MTA3: variants seen among roughly 807,000 people sequenced by gnomAD.
The protein encoded by MTA3 is metastasis-associated protein MTA3.
Under a neutral mutation model 83.5 loss-of-function variants are expected in MTA3, and 34 were observed. The ratio of observed to expected loss-of-function variants is 0.41; its 90% CI spans 0.31 to 0.54. MTA3 has a LOEUF of 0.54. MTA3 is among the 20% of genes least tolerant of loss of function. The pLI, the probability that MTA3 is intolerant of heterozygous loss-of-function variation, is 0.33. For synonymous variants in MTA3, 303 were observed against 252.7 expected, an observed-to-expected ratio of 1.20 and a Z score of -1.89; for missense variants, 761 against 726.4, an observed-to-expected ratio of 1.05 and a Z score of -0.55.
intron 3 of MTA3, among the ~76,000 whole-genome samples, chr2:42,605,718 C>A (rs1389635087): frequency 7.7e-6 from 1 of 129,108 alleles, no homozygotes; most frequent in Non-Finnish European, 1.7e-5. Context: ...GGGGGGCCGA[C>A]CCCCCCACCT....
intron 2 of MTA3, among the ~76,000 whole-genome samples, chr2:42,546,714 A>G (rs1399255305): frequency 6.6e-6 from 1 of 152,142 alleles, no homozygotes; most frequent in Non-Finnish European, 1.5e-5. Context: ...ATTTAGAGGC[A>G]TTTCCTGGTT....
intron 3 of MTA3, among the ~76,000 whole-genome samples, chr2:42,579,751 A>G (rs182124134): frequency 2.2e-4 from 33 of 151,910 alleles, no homozygotes; most frequent in Admixed American, 1.9e-3. Context: ...GAGTCTTGCT[A>G]TGTTGCCCAG....
chr2:42,665,511 A>G (rs1467988562), intron 8 of MTA3, among the ~76,000 whole-genome samples: 1 of 152,234 alleles, frequency 6.6e-6, no homozygotes, highest in South Asian at 2.1e-4. Flanking sequence ...AGTAAGTGGC[A>G]GTGAGTTAGT....
At chr2:42,543,658 T>G (rs1676624699) in intron 2 of MTA3, among the ~76,000 whole-genome samples, 1 of 149,950 alleles carries the variant, frequency 6.7e-6, no homozygotes, top group Non-Finnish European at 1.5e-5. Context: ...TTTTTTTTTT[T>G]TTTTTTTTGT....
At chr2:42,653,308 A>G (rs750337307) in intron 6 of MTA3, among the ~76,000 whole-genome samples, 1 of 152,074 alleles carries the variant, frequency 6.6e-6, no homozygotes, top group Non-Finnish European at 1.5e-5. Flanking sequence ...GGAAGGGGAG[A>G]TTATTATAAA....
chr2:42,507,166 G>T (rs1439241230), intron 2 of MTA3, among the ~76,000 whole-genome samples: 1 of 152,134 alleles, frequency 6.6e-6, no homozygotes, highest in Non-Finnish European at 1.5e-5. Context: ...TTCCAAAAGT[G>T]CTGGGATTGC....
intron 8 of MTA3, among the ~76,000 whole-genome samples, chr2:42,675,721 G>T (rs1460427815): frequency 6.6e-6 from 1 of 152,030 alleles, no homozygotes; most frequent in Non-Finnish European, 1.5e-5. Context: ...CAAGTCGTTG[G>T]TCCTGTGTTA....
chr2:42,531,506 G>A (rs1400188290), intron 2 of MTA3, among the ~76,000 whole-genome samples: 1 of 127,958 alleles, frequency 7.8e-6, no homozygotes, highest in African/African-American at 3.0e-5. Context: ...AGGCTAGAGT[G>A]CAGTGGCCCA....
At chr2:42,681,820 T>C (rs1573601841) in intron 8 of MTA3, among the ~76,000 whole-genome samples, 2 of 151,424 alleles carry the variant, frequency 1.3e-5, no homozygotes, top group African/African-American at 4.8e-5. Context: ...CTGGCTAGAC[T>C]TTCAGGGTTA....
intron 4 of MTA3, among the ~76,000 whole-genome samples, chr2:42,634,585 T>C (rs1477899470): frequency 2.0e-5 from 3 of 152,174 alleles, no homozygotes; most frequent in African/African-American, 7.2e-5. Flanking sequence ...CACGTGAGGA[T>C]TATGGGGATC....
At chr2:42,538,591 C>G (rs748080708) in intron 2 of MTA3, among the ~76,000 whole-genome samples, 68 of 151,524 alleles carry the variant, frequency 4.5e-4, no homozygotes, top group Non-Finnish European at 8.8e-4. Flanking sequence ...ACCTGTAACT[C>G]CTGCTACTCA....
intron 16 of MTA3, 134 bp downstream of exon 16, chr2:42,723,169 A>G (rs564654966): frequency 1.8e-6 from 2 of 1,113,520 alleles, no homozygotes; most frequent in South Asian, 1.6e-5. Flanking sequence ...TTGAGGAATA[A>G]GGGGGAATAC....
At chr2:42,689,008 CTA>C (rs1046814211) in intron 9 of MTA3, among the ~76,000 whole-genome samples, 3 of 152,008 alleles carry the variant, frequency 2.0e-5, no homozygotes, top group Non-Finnish European at 4.4e-5. Flanking sequence ...AAGTTCCTCT[CTA>C]TTCTTATTTT....
At chr2:42,658,554 C>T (rs1254804762) in intron 7 of MTA3, among the ~76,000 whole-genome samples, 1 of 152,070 alleles carries the variant, frequency 6.6e-6, no homozygotes, top group East Asian at 1.9e-4. Context: ...AGAAGCTGGA[C>T]GTAATATCCA....
At chr2:42,623,931 T>A (rs1685829105) in intron 4 of MTA3, among the ~76,000 whole-genome samples, 1 of 152,036 alleles carries the variant, frequency 6.6e-6, no homozygotes, top group Non-Finnish European at 1.5e-5. Context: ...ACCTTAGGTG[T>A]GATCCACCGA....
At chr2:42,640,946 C>A (rs956563392) in intron 5 of MTA3, among the ~76,000 whole-genome samples, 1 of 152,080 alleles carries the variant, frequency 6.6e-6, no homozygotes, top group African/African-American at 2.4e-5. Context: ...TTGCTCTGTC[C>A]CCCATTCTGG....
At chr2:42,525,767 C>T (rs1361780434) in intron 2 of MTA3, among the ~76,000 whole-genome samples, 1 of 151,876 alleles carries the variant, frequency 6.6e-6, no homozygotes, top group Non-Finnish European at 1.5e-5. Flanking sequence ...AAATGATCCT[C>T]CCACCTCAGC....
chr2:42,735,795 T>G (rs1668565449), intron 16 of MTA3, among the ~76,000 whole-genome samples: 1 of 152,178 alleles, frequency 6.6e-6, no homozygotes, highest in Non-Finnish European at 1.5e-5. Flanking sequence ...GCTCCAGAAT[T>G]TCTGCTTGGG....
chr2:42,680,520 G>C (rs766860339), intron 8 of MTA3, among the ~76,000 whole-genome samples: 12 of 152,190 alleles, frequency 7.9e-5, no homozygotes, highest in Non-Finnish European at 1.6e-4. Flanking sequence ...GTCTGGGTGG[G>C]GGTGAGAGGT....
Sources: allele counts gnomAD v4.1 joint callset (sites outside exome capture counted in the v4.1 genomes callset), GRCh38; gene constraint gnomAD v4.1.1; transcripts MANE v1.5; gene names NCBI Gene and HGNC (gene_info 2026-07-23, HGNC 2026-07-21).